The following TMPRSS15 variants were observed in gnomAD, a reference collection of about 807,000 sequenced individuals.
TMPRSS15 encodes enteropeptidase.
Under a neutral mutation model 125.3 loss-of-function variants are expected in TMPRSS15, and 128 were observed. The observed-to-expected ratio is 1.02, with a 90% CI of 0.89 to 1.18. The LOEUF (loss-of-function observed/expected upper bound fraction) is 1.18. TMPRSS15 is among the 50% of genes most tolerant of loss of function. The pLI is 0.00. For missense variants in TMPRSS15, 1,283 were observed against 1,212.7 expected, an observed-to-expected ratio of 1.06 and a Z score of -0.86; for synonymous variants, 446 against 423.2, an observed-to-expected ratio of 1.05 and a Z score of -0.66.
At chr21:18,394,834 A>AT (rs2076020225) in intron 3 of TMPRSS15, among the ~76,000 whole-genome samples, 1 of 152,132 alleles carries the variant, frequency 6.6e-6, no homozygotes, top group South Asian at 2.1e-4. Flanking sequence ...TATAAAGGCT[A>AT]TTTCTCCACT....
chr21:18,344,222 A>AT (rs1458557156), intron 10 of TMPRSS15, among the ~76,000 whole-genome samples, 162 bp from the exon 11 acceptor site: 3 of 152,190 alleles, frequency 2.0e-5, no homozygotes, highest in Admixed American at 6.5e-5. Flanking sequence ...AGAAAGCAGT[A>AT]TTTTTGCCAT....
intron 18 of TMPRSS15, among the ~76,000 whole-genome samples, chr21:18,310,123 T>C (rs1367110688): frequency 2.0e-5 from 3 of 152,200 alleles, no homozygotes; most frequent in African/African-American, 7.2e-5. Flanking sequence ...CAGGAAAAAG[T>C]TGAAATCTTT....
chr21:18,359,075 C>A (rs979152784), intron 8 of TMPRSS15, among the ~76,000 whole-genome samples: 2 of 152,032 alleles, frequency 1.3e-5, no homozygotes, highest in African/African-American at 4.8e-5. Context: ...CTCATCCTCA[C>A]TTTATTTCCC....
rs187766758 is a variant in TMPRSS15, at chr21:18,470,919, G to A, written c.10+14880C>T. Reference sequence around the variant, plus strand: ...CCATAGAATGATTCTCTGGGGAACCGATTTTTGTATCTTTAAAAAGATTAG... The same window carrying A: ...CCATAGAATGATTCTCTGGGGAACCAATTTTTGTATCTTTAAAAAGATTAG... On this transcript the variant is annotated intron_variant, in intron 1 of 7. Coordinates refer to the TMPRSS15 transcript ENST00000422787. Among the ~76,000 whole-genome samples, 375 of 152,066 alleles carry A rather than the reference G, an allele frequency of 2.5e-3. 1 individual carries two copies. The highest frequency in any genetic ancestry group is 3.4e-3 in the Middle Eastern group (1 of 292).
intron 16 of TMPRSS15, among the ~76,000 whole-genome samples, chr21:18,316,969 C>T (rs2075173936): frequency 6.6e-6 from 1 of 151,994 alleles, no homozygotes; most frequent in Non-Finnish European, 1.5e-5. Context: ...ATGTCTTATC[C>T]CCTACATGGC....
At chr21:18,479,475 T>C (rs757486766) in intron 1 of TMPRSS15, among the ~76,000 whole-genome samples, 1 of 151,918 alleles carries the variant, frequency 6.6e-6, no homozygotes, top group Non-Finnish European at 1.5e-5. Flanking sequence ...CACAAATGCA[T>C]CATGGCAATT....
intron 1 of TMPRSS15, among the ~76,000 whole-genome samples, chr21:18,451,307 A>G (rs145840609): frequency 2.6e-4 from 40 of 152,272 alleles, no homozygotes; most frequent in African/African-American, 9.6e-4. Flanking sequence ...GTTCACCAAA[A>G]AATAAAAAAC....
chr21:18,272,524 G>T (rs912576996), intron 24 of TMPRSS15, among the ~76,000 whole-genome samples: 1 of 152,074 alleles, frequency 6.6e-6, no homozygotes, highest in African/African-American at 2.4e-5. Flanking sequence ...AGGAGTTCGA[G>T]ATCAGCCTGG....
chr21:18,282,797 G>T (rs1223074243), intron 21 of TMPRSS15, among the ~76,000 whole-genome samples: 3 of 152,126 alleles, frequency 2.0e-5, no homozygotes, highest in Admixed American at 6.6e-5. Flanking sequence ...GACTTTAATT[G>T]GAGCTGTCTG....
intron 15 of TMPRSS15, among the ~76,000 whole-genome samples, 164 bp downstream of exon 15, chr21:18,329,005 A>C (rs1480413258): frequency 6.6e-6 from 1 of 152,218 alleles, no homozygotes; most frequent in Non-Finnish European, 1.5e-5. Flanking sequence ...ACTATTTTAA[A>C]TATACCCTAT....
chr21:18,353,870 A>G lies in TMPRSS15; in HGVS notation c.881-7T>C. ...TTAGTTTCCCAAATAGAAGCTACAAAATAAAATAAACAACTGTTATATGTA... is the reference window on the plus strand; with the variant it reads ...TTAGTTTCCCAAATAGAAGCTACAAGATAAAATAAACAACTGTTATATGTA... On this transcript the variant is annotated splice_polypyrimidine_tract_variant and splice_region_variant and intron_variant, in intron 8 of 24. Transcript: ENST00000284885. 1.2e-6 allele frequency: 2 copies of G among 1,609,420 alleles called. No homozygotes were observed. The highest frequency in any genetic ancestry group is 1.7e-6 in the Non-Finnish European group (2 of 1,176,544).
At chr21:18,275,382 A>G (rs755209446) in intron 23 of TMPRSS15, 46 bp from the exon 24 acceptor site, 5 of 1,610,760 alleles carry the variant, frequency 3.1e-6, no homozygotes, top group Non-Finnish European at 4.2e-6. Context: ...AGTGATCAAC[A>G]TGCATCCTTG....
At chr21:18,368,664 G>A (rs990316952) in intron 6 of TMPRSS15, among the ~76,000 whole-genome samples, 13 of 152,112 alleles carry the variant, frequency 8.5e-5, no homozygotes, top group Non-Finnish European at 1.8e-4. Context: ...CTGTCCTAAA[G>A]AATATGATCA....
intron 1 of TMPRSS15, among the ~76,000 whole-genome samples, chr21:18,413,293 T>TC (rs1555911451): frequency 7.9e-5 from 11 of 139,476 alleles, no homozygotes; most frequent in East Asian, 6.7e-4. Flanking sequence ...TCTTTCTTTC[T>TC]TTTCTTTCTT....
In TMPRSS15 at chr21:18,372,176, TA is replaced by T. The variant is rs753282582; in HGVS notation, c.664+16del. 8.3e-6 allele frequency: 13 copies of T among 1,557,528 alleles called. No individual in the cohort carries two copies. Among genetic ancestry groups the T allele is most frequent in the East Asian group, 2.4e-5 (1 of 42,018 alleles). ...GAGGATAAAACAGAAGGGGAGAGAG[TA>T]GGGGGGAGAACTTACCACACATTTT... On this transcript the variant is annotated intron_variant, in intron 6 of 24. Coordinates refer to ENST00000284885, the MANE Select transcript of TMPRSS15 (RefSeq NM_002772.3).
intron 1 of TMPRSS15, among the ~76,000 whole-genome samples, chr21:18,410,464 AT>A (rs1447995068): frequency 6.6e-6 from 1 of 151,922 alleles, no homozygotes. Context: ...TATTTTCCCT[AT>A]CTTTATTTCA....
chr21:18,319,822 T>C (rs979386932), intron 16 of TMPRSS15, among the ~76,000 whole-genome samples: 5 of 152,226 alleles, frequency 3.3e-5, no homozygotes, highest in African/African-American at 1.2e-4. Context: ...ACATACCTAA[T>C]CCTTTCCTCT....
Position 18,398,219 on chromosome 21 carries a change from C to T in TMPRSS15, c.256G>A (p.Ala86Thr). The change falls in exon 2 of 25, where the codon GCT becomes ACT. Residue 86 changes from alanine to threonine, a missense_variant. By Grantham distance (58) the Ala-to-Thr change is moderately conservative. Coordinates refer to ENST00000284885, the MANE Select transcript of TMPRSS15 (RefSeq NM_002772.3). Reference sequence around the variant, plus strand: ...CCTACCATTTGCTGAAGGTCAAAAGCAAGAACTTTGAAATCCACTGAGAGT... The same window carrying T: ...CCTACCATTTGCTGAAGGTCAAAAGTAAGAACTTTGAAATCCACTGAGAGT... Reference protein sequence around the residue: ...DKLSVDFKVLAFDLQQMIDEI... With the variant: ...DKLSVDFKVLTFDLQQMIDEI... The T allele has an allele frequency of 1.2e-6, 2 of 1,613,796 alleles. No individual in the cohort carries two copies. The highest frequency in any genetic ancestry group is 1.7e-6 in the Non-Finnish European group (2 of 1,179,780).
chr21:18,321,602 T>C (rs1282134646), intron 16 of TMPRSS15, among the ~76,000 whole-genome samples: 2 of 152,140 alleles, frequency 1.3e-5, no homozygotes, highest in African/African-American at 4.8e-5. Context: ...CCGCCCGCCT[T>C]GGCCTCCCAA....
Sources: gnomAD v4.1 joint callset for allele counts (sites outside exome capture counted in the v4.1 genomes callset) on GRCh38, gnomAD v4.1.1 for gene constraint, MANE v1.5 for transcripts, NCBI Gene and HGNC (gene_info 2026-07-23, HGNC 2026-07-21) for gene names.